CNOT6L: variants seen among roughly 807,000 people sequenced by gnomAD.
CNOT6L encodes CCR4-NOT transcription complex subunit 6 like, also known as CCR4-NOT transcription complex subunit 6-like.
A neutral mutation model predicts 64.0 loss-of-function variants in CNOT6L; 7 were observed. The ratio of observed to expected loss-of-function variants is 0.11; its 90% CI spans 0.06 to 0.21. The LOEUF (loss-of-function observed/expected upper bound fraction) is 0.21. CNOT6L is among the 10% of genes least tolerant of loss of function. The probability of loss-of-function intolerance (pLI) is 1.00; values close to 1 mark genes in which losing one functional copy is unlikely to be tolerated. For synonymous variants in CNOT6L, 193 were observed against 243.4 expected, an observed-to-expected ratio of 0.79 and a Z score of 1.93; for missense variants, 245 against 669.0, an observed-to-expected ratio of 0.37 and a Z score of 6.99.
chr4:77,777,315 A>G (rs1202198305), intron 1 of CNOT6L, among the ~76,000 whole-genome samples: 1 of 152,202 alleles, frequency 6.6e-6, no homozygotes, highest in Non-Finnish European at 1.5e-5. Context: ...TAACAAAGAC[A>G]TGTTCTGAGA....
rs777203283 is a variant in CNOT6L, at chr4:77,742,411, A to G, written c.718-116T>C. 50 of 971,322 alleles carry G rather than the reference A, an allele frequency of 5.1e-5. No individual in the cohort carries two copies. In the East Asian group the frequency reaches 1.3e-3, roughly 25 times the overall value. 60.2% of individuals were successfully genotyped at this position (971,322 alleles called of 1,614,324 possible). A position where few individuals can be genotyped will look rare whatever the true frequency, so the allele number is the denominator to read the frequency against. ...TTAGTAAAAATAATTCACATAGCAAATATTATCTTACTATCTTACCTGATT... is the reference window on the plus strand; with the variant it reads ...TTAGTAAAAATAATTCACATAGCAAGTATTATCTTACTATCTTACCTGATT... On this transcript the variant is annotated intron_variant, in intron 7 of 11. Coordinates refer to ENST00000504123, the MANE Select transcript of CNOT6L (RefSeq NM_144571.3).
chr4:77,811,859 C>G (rs1181391672), intron 1 of CNOT6L, among the ~76,000 whole-genome samples: 2 of 131,028 alleles, frequency 1.5e-5, no homozygotes, highest in Admixed American at 8.4e-5. Flanking sequence ...TAGCCTTTCT[C>G]CGCAAGGAGC....
chr4:77,743,647 G>A (rs1373044841), intron 7 of CNOT6L, among the ~76,000 whole-genome samples: 1 of 135,340 alleles, frequency 7.4e-6, no homozygotes, highest in African/African-American at 2.9e-5. Context: ...TGCCATCCAG[G>A]CTGGAGTGCA....
At chr4:77,727,771 A>G (rs375675623) in intron 10 of CNOT6L, among the ~76,000 whole-genome samples, 1 of 152,174 alleles carries the variant, frequency 6.6e-6, no homozygotes, top group Non-Finnish European at 1.5e-5. Flanking sequence ...GAGTAATTCA[A>G]CTTAAGAAAG....
chr4:77,735,121 A>C (rs1722805731), intron 8 of CNOT6L, among the ~76,000 whole-genome samples: 1 of 152,162 alleles, frequency 6.6e-6, no homozygotes, highest in South Asian at 2.1e-4. Context: ...AGCAAAAGTT[A>C]AAAGTCCAGG....
intron 3 of CNOT6L, among the ~76,000 whole-genome samples, chr4:77,774,241 T>C (rs1321590646): frequency 6.6e-6 from 1 of 152,226 alleles, no homozygotes; most frequent in Non-Finnish European, 1.5e-5. Context: ...ATTTTTCAAG[T>C]ACTTCTAATC....
chr4:77,760,506 G>C (rs1487042963), intron 4 of CNOT6L, among the ~76,000 whole-genome samples: 1 of 151,286 alleles, frequency 6.6e-6, no homozygotes, highest in Non-Finnish European at 1.5e-5. Context: ...GAAACAAAAA[G>C]ATCTAAACTC....
rs77348463 is a variant in CNOT6L, at chr4:77,773,173, TAAAA to T, written c.315-11_315-8del. The T allele has an allele frequency of 1.5e-5, 19 of 1,280,168 alleles. No homozygotes were observed. The highest frequency in any genetic ancestry group is 1.9e-5 in the Non-Finnish European group (18 of 943,728). The allele number at this position is 1,280,168 out of a possible 1,614,324, so 79.3% of individuals were successfully genotyped here. On this transcript the variant is annotated splice_polypyrimidine_tract_variant and splice_region_variant and intron_variant, in intron 3 of 11. Coordinates refer to ENST00000504123, the MANE Select transcript of CNOT6L (RefSeq NM_144571.3). ...GTTATTTAAAAGCAATTCCCTGTTT[TAAAA>T]AAAAAAAAAAAATTAGTTTAATATA... is the stretch of plus-strand genomic sequence containing the variant.
At chr4:77,761,034 G>C (rs1392184762) in intron 4 of CNOT6L, among the ~76,000 whole-genome samples, 4 of 151,590 alleles carry the variant, frequency 2.6e-5, no homozygotes, top group African/African-American at 9.7e-5. Flanking sequence ...GAAATATTAA[G>C]AAAACTATAT....
chr4:77,794,957 C>CAA (rs149302004), intron 1 of CNOT6L, among the ~76,000 whole-genome samples: 2 of 148,634 alleles, frequency 1.3e-5, no homozygotes, highest in South Asian at 2.1e-4. Flanking sequence ...ATGTCCCCTG[C>CAA]AAAAAAATCA....
chr4:77,726,432 C>G, intron 10 of CNOT6L, 63 bp from the exon 11 acceptor site: 1 of 1,299,222 alleles, frequency 7.7e-7, no homozygotes, highest in Non-Finnish European at 1.1e-6. Flanking sequence ...GCTTCACAGC[C>G]AAGACTTGTT....
chr4:77,766,839 G>C (rs746353282), intron 4 of CNOT6L, among the ~76,000 whole-genome samples: 1 of 151,706 alleles, frequency 6.6e-6, no homozygotes, highest in South Asian at 2.1e-4. Flanking sequence ...AAAGGAGGGT[G>C]GATCACCAGA....
At position 77,737,115 on chromosome 4, in the gene CNOT6L, A is replaced by G. The variant is rs72864918; in HGVS notation, c.872+5026T>C. ...AAGCAATCTATAGGATTTAAGTAATATTCCATCCCTGAATTCATTTACAAG... is the reference window on the plus strand; with the variant it reads ...AAGCAATCTATAGGATTTAAGTAATGTTCCATCCCTGAATTCATTTACAAG... On this transcript the variant is annotated intron_variant, in intron 8 of 11. Transcript: ENST00000504123. Among the ~76,000 whole-genome samples the G allele has an allele frequency of 1.8e-3, 271 of 152,354 alleles. 2 individuals are homozygous for G. The highest frequency in any genetic ancestry group is 5.4e-3 in the African/African-American group (226 of 41,588).
intron 1 of CNOT6L, among the ~76,000 whole-genome samples, chr4:77,803,866 G>GGCTATTA (rs1731903973): frequency 1.3e-5 from 2 of 151,594 alleles, no homozygotes; most frequent in Non-Finnish European, 2.9e-5. Flanking sequence ...TCATGCTATT[G>GGCTATTA]CACTCCAGCC....
At chr4:77,786,085 A>G (rs1729408141) in intron 1 of CNOT6L, among the ~76,000 whole-genome samples, 1 of 152,000 alleles carries the variant, frequency 6.6e-6, no homozygotes, top group Middle Eastern at 3.2e-3. Flanking sequence ...GTTCAAGACC[A>G]GCCTGCCCAA....
At chr4:77,781,645 T>C (rs1728869593) in intron 1 of CNOT6L, among the ~76,000 whole-genome samples, 1 of 152,170 alleles carries the variant, frequency 6.6e-6, no homozygotes, top group Non-Finnish European at 1.5e-5. Flanking sequence ...AAAAACAAGC[T>C]GGCCAAATCA....
chr4:77,749,732 G>T (rs1235033729), intron 5 of CNOT6L, among the ~76,000 whole-genome samples: 1 of 152,098 alleles, frequency 6.6e-6, no homozygotes, highest in Admixed American at 6.5e-5. Flanking sequence ...CCAAGTTCAC[G>T]CAAAATTTTT....
Position 77,719,159 on chromosome 4 carries a change from T to C in CNOT6L, c.*1272A>G, listed in dbSNP as rs1721043462. 1 of 152,620 alleles carries C rather than the reference T, an allele frequency of 6.6e-6. No individual in the cohort carries two copies. The highest frequency in any genetic ancestry group is 2.4e-5 in the African/African-American group (1 of 41,446). 9.5% of individuals were successfully genotyped at this position (152,620 alleles called of 1,614,324 possible). On this transcript the variant is annotated 3_prime_UTR_variant, in exon 12 of 12. Transcript: ENST00000504123. ...CCCCAGAAAACAGTATTCTGTTCAC[T>C]GCCTCTTGAGTCACAGATTTTCAAC...
At chr4:77,803,258 C>A (rs1361130055) in intron 1 of CNOT6L, among the ~76,000 whole-genome samples, 1 of 151,408 alleles carries the variant, frequency 6.6e-6, no homozygotes, top group Non-Finnish European at 1.5e-5. Flanking sequence ...TAACAAATTC[C>A]AAAATTTAAA....
Sources: gnomAD v4.1 joint callset for allele counts (sites outside exome capture counted in the v4.1 genomes callset) on GRCh38, gnomAD v4.1.1 for gene constraint, MANE v1.5 for transcripts, NCBI Gene and HGNC (gene_info 2026-07-23, HGNC 2026-07-21) for gene names.